Variants in PRKN observed in about 807,000 individuals in gnomAD.
PRKN encodes E3 ubiquitin-protein ligase parkin.
A neutral mutation model predicts 59.5 loss-of-function variants in PRKN; 56 were observed. The ratio of observed to expected loss-of-function variants is 0.94; its 90% CI spans 0.76 to 1.18. The LOEUF is 1.18. Ranked by LOEUF, PRKN falls within the 50% of genes most tolerant of loss-of-function variation. The pLI is 0.00. For missense variants in PRKN, 657 were observed against 596.4 expected (o/e 1.10, Z -1.06); for synonymous variants, 250 against 222.1 (o/e 1.13, Z -1.12).
At chr6:162,545,971 T>C (rs1410870776) in intron 1 of PRKN, among the ~76,000 whole-genome samples, 1 of 152,144 alleles carries the variant, frequency 6.6e-6, no homozygotes, top group East Asian at 1.9e-4. Flanking sequence ...TTTAAGAGTC[T>C]ACACTGTTCA....
intron 6 of PRKN, among the ~76,000 whole-genome samples, chr6:161,927,578 G>C (rs79357229): frequency 6.6e-6 from 1 of 152,044 alleles, no homozygotes; most frequent in Non-Finnish European, 1.5e-5. Context: ...ACATTTTTAC[G>C]ACTGAAATTT....
intron 5 of PRKN, among the ~76,000 whole-genome samples, chr6:162,028,104 A>C (rs566353341): frequency 2.2e-4 from 34 of 152,262 alleles, no homozygotes; most frequent in Non-Finnish European, 4.6e-4. Flanking sequence ...TTTCCAGGAG[A>C]ATTCTGTACA....
intron 9 of PRKN, among the ~76,000 whole-genome samples, chr6:161,477,773 A>G (rs938050716): frequency 7.9e-5 from 12 of 152,242 alleles, no homozygotes; most frequent in Non-Finnish European, 1.6e-4. Flanking sequence ...TTACAAATGT[A>G]ACTATCCTGA....
intron 5 of PRKN, among the ~76,000 whole-genome samples, chr6:161,974,447 T>C (rs1459054685): frequency 6.6e-6 from 1 of 152,172 alleles, no homozygotes; most frequent in African/African-American, 2.4e-5. Flanking sequence ...TACTCCCTCA[T>C]TTTAGCTTTT....
intron 3 of PRKN, among the ~76,000 whole-genome samples, chr6:162,206,957 T>C (rs1176217136): frequency 6.6e-6 from 1 of 152,206 alleles, no homozygotes; most frequent in East Asian, 1.9e-4. Context: ...AGTGAAGGTA[T>C]TCATTAGTTC....
intron 5 of PRKN, among the ~76,000 whole-genome samples, chr6:162,008,905 T>C (rs1782368651): frequency 6.6e-6 from 1 of 150,496 alleles, no homozygotes; most frequent in Admixed American, 6.6e-5. Flanking sequence ...CTGGATACCC[T>C]TGTAAGAGTT....
chr6:162,707,634 G>C (rs1778383629), intron 1 of PRKN, among the ~76,000 whole-genome samples: 1 of 150,986 alleles, frequency 6.6e-6, no homozygotes, highest in Non-Finnish European at 1.5e-5. Context: ...CAGTGCAGTG[G>C]CACGATCTCA....
intron 2 of PRKN, among the ~76,000 whole-genome samples, chr6:162,405,685 AG>A (rs1788023212): frequency 6.6e-6 from 1 of 152,160 alleles, no homozygotes; most frequent in Non-Finnish European, 1.5e-5. Context: ...CCTTATAGGA[AG>A]GCAAGATTAG....
chr6:162,575,003 C>T (rs1388991186), intron 1 of PRKN, among the ~76,000 whole-genome samples: 1 of 152,054 alleles, frequency 6.6e-6, no homozygotes, highest in East Asian at 1.9e-4. Context: ...AGTTTATGGT[C>T]CATCTTTTAT....
At chr6:161,961,862 G>A (rs955146204) in intron 6 of PRKN, among the ~76,000 whole-genome samples, 8 of 152,162 alleles carry the variant, frequency 5.3e-5, no homozygotes, top group Non-Finnish European at 1.2e-4. Context: ...TGCGTTGCCT[G>A]TGATACTGAT....
At chr6:161,728,767 C>G (rs1787555475) in intron 7 of PRKN, among the ~76,000 whole-genome samples, 1 of 152,136 alleles carries the variant, frequency 6.6e-6, no homozygotes, top group Non-Finnish European at 1.5e-5. Flanking sequence ...GGGCACAAGG[C>G]AAAACCACCG....
intron 2 of PRKN, among the ~76,000 whole-genome samples, chr6:162,320,568 T>C (rs1427935961): frequency 1.3e-5 from 2 of 151,552 alleles, no homozygotes; most frequent in Non-Finnish European, 3.0e-5. Flanking sequence ...TACACACCTA[T>C]TAGAATTGTT....
chr6:161,894,917 A>C (rs565798207), intron 6 of PRKN, among the ~76,000 whole-genome samples: 1 of 152,324 alleles, frequency 6.6e-6, no homozygotes, highest in African/African-American at 2.4e-5. Flanking sequence ...TGCTTATTCC[A>C]CCAATGCTTA....
chr6:161,741,219 T>C (rs113812050), intron 7 of PRKN, among the ~76,000 whole-genome samples: 3,932 of 152,280 alleles, frequency 0.026, 181 homozygotes, highest in African/African-American at 0.091. Flanking sequence ...ATGAGACAAT[T>C]TCTCCAACAG....
chr6:161,827,241 C>T (rs1288110314), intron 6 of PRKN, among the ~76,000 whole-genome samples: 2 of 152,162 alleles, frequency 1.3e-5, no homozygotes, highest in African/African-American at 4.8e-5. Context: ...TCTGAAGACC[C>T]TGAAGATGCT....
chr6:161,489,912 T>C (rs1402244936), intron 9 of PRKN, among the ~76,000 whole-genome samples: 3 of 152,212 alleles, frequency 2.0e-5, no homozygotes, highest in South Asian at 4.1e-4. Context: ...CTGGATTCAT[T>C]TGAGTTCCGA....
chr6:161,744,159 C>G (rs1305175727), intron 7 of PRKN, among the ~76,000 whole-genome samples: 2 of 151,264 alleles, frequency 1.3e-5, no homozygotes, highest in Non-Finnish European at 2.9e-5. Context: ...TAACAAAAGT[C>G]TATTTTGCTA....
chr6:162,560,779 T>A (rs1583806192), intron 1 of PRKN, among the ~76,000 whole-genome samples: 1 of 148,504 alleles, frequency 6.7e-6, no homozygotes. Context: ...GTATACTTAA[T>A]GAGTGTCTTC....
chr6:162,701,240 A>T (rs1778141124), intron 1 of PRKN, among the ~76,000 whole-genome samples: 1 of 152,198 alleles, frequency 6.6e-6, no homozygotes, highest in Non-Finnish European at 1.5e-5. Context: ...ACAACAAAAA[A>T]GCAGCTGTTG....
Sources: allele counts gnomAD v4.1 joint callset (sites outside exome capture counted in the v4.1 genomes callset), GRCh38; gene constraint gnomAD v4.1.1; transcripts MANE v1.5; gene names NCBI Gene and HGNC (gene_info 2026-07-23, HGNC 2026-07-21).